The following CSDC2 variants were observed in gnomAD, a reference collection of about 807,000 sequenced individuals.
The protein encoded by CSDC2 is cold shock domain-containing protein C2.
A neutral mutation model predicts 15.8 loss-of-function variants in CSDC2; 8 were observed. The ratio of observed to expected loss-of-function variants is 0.51; its 90% CI spans 0.30 to 0.92. CSDC2 has a LOEUF of 0.92. Ranked by LOEUF, CSDC2 falls within the 40% of genes least tolerant of loss-of-function variation. The pLI is 0.07. For missense variants in CSDC2, 195 were observed against 213.3 expected, an observed-to-expected ratio of 0.91 and a Z score of 0.53; for synonymous variants, 96 against 92.3, an observed-to-expected ratio of 1.04 and a Z score of -0.23.
At chr22:41,574,612 G>A in intron 3 of CSDC2, 121 bp from the exon 4 acceptor site, 2 of 1,173,984 alleles carry the variant, frequency 1.7e-6, no homozygotes, top group East Asian at 5.1e-5. Flanking sequence ...GAGAAGCAAG[G>A]CCTGGCCAGG....
rs2067176233 is a variant in CSDC2, at chr22:41,576,501, A to G, written c.*1606A>G. ...TTTTAAGGCACCACTAGCAGTCAGG[A>G]TATGGTGGCATCAGCCCTGGGGCCT... On this transcript the variant is annotated 3_prime_UTR_variant, in exon 4 of 4. Coordinates refer to ENST00000306149, the MANE Select transcript of CSDC2 (RefSeq NM_014460.4). 6.5e-6 allele frequency: 1 copy of G among 152,732 alleles called. No individual in the cohort carries two copies. Among genetic ancestry groups the G allele is most frequent in the Admixed American group, 6.5e-5 (1 of 15,284 alleles). The allele number at this position is 152,732 out of a possible 1,614,324, so 9.5% of individuals were successfully genotyped here.
chr22:41,565,555 C>G (rs765803956), intron 1 of CSDC2, among the ~76,000 whole-genome samples: 21 of 151,962 alleles, frequency 1.4e-4, no homozygotes, highest in Non-Finnish European at 2.5e-4. Flanking sequence ...GATGGTGCCA[C>G]TGCACTCCGG....
chr22:41,574,976 C>G lies in CSDC2; in HGVS notation c.*81C>G. 6.8e-7 allele frequency: 1 copy of G among 1,467,386 alleles called. No homozygotes were observed. Among genetic ancestry groups the G allele is most frequent in the East Asian group, 2.5e-5 (1 of 40,392 alleles). 90.9% of individuals were successfully genotyped at this position (1,467,386 alleles called of 1,614,324 possible). A position where few individuals can be genotyped will look rare whatever the true frequency, so the allele number is the denominator to read the frequency against. On this transcript the variant is annotated 3_prime_UTR_variant, in exon 4 of 4. Transcript: ENST00000306149. ...GGGCAGCAGCCGGCTCCATGCCCCA[C>G]TGCCCTGGCTGATGAGTCCTTCGGT...
intron 1 of CSDC2, among the ~76,000 whole-genome samples, chr22:41,564,591 T>C (rs2067104184): frequency 6.6e-6 from 1 of 152,180 alleles, no homozygotes; most frequent in Non-Finnish European, 1.5e-5. Flanking sequence ...CTGTTTCTGT[T>C]CCCCCCGCTG....
chr22:41,566,358 C>T (rs1334905237), intron 1 of CSDC2, among the ~76,000 whole-genome samples: 1 of 147,902 alleles, frequency 6.8e-6, no homozygotes, highest in Non-Finnish European at 1.5e-5. Context: ...GCAGAAGAAT[C>T]GCTTGAACCC....
intron 1 of CSDC2, among the ~76,000 whole-genome samples, chr22:41,562,821 G>A (rs1392145022): frequency 6.6e-6 from 1 of 152,194 alleles, no homozygotes; most frequent in Non-Finnish European, 1.5e-5. Context: ...TGACACTCCT[G>A]GGCTGGGGGG....
At chr22:41,573,584 C>A (rs2067158799) in intron 2 of CSDC2, 71 bp from the exon 3 acceptor site, 3 of 1,542,476 alleles carry the variant, frequency 1.9e-6, no homozygotes, top group South Asian at 2.3e-5. Flanking sequence ...CAGAAAGGGC[C>A]CAGAATGGCT....
rs1243613258 is a variant in CSDC2 at position 41,574,788 on chromosome 22, C to T, written c.355C>T (p.Pro119Ser). ...EGDEVTYKMCPIPPKNQKFQA... is the reference protein window; with the variant it reads ...EGDEVTYKMCSIPPKNQKFQA... ...CGACGAGGTGACCTACAAGATGTGCCCTATCCCTCCCAAGAACCAGAAGTT... is the reference window on the plus strand; with the variant it reads ...CGACGAGGTGACCTACAAGATGTGCTCTATCCCTCCCAAGAACCAGAAGTT... The change falls in exon 4 of 4, where the codon CCT becomes TCT. Residue 119 changes from proline to serine, a missense_variant. Coordinates refer to ENST00000306149, the MANE Select transcript of CSDC2 (RefSeq NM_014460.4). The T allele has an allele frequency of 6.2e-7, 1 of 1,613,846 alleles. No homozygotes were observed. Among genetic ancestry groups the T allele is most frequent in the Non-Finnish European group, 8.5e-7 (1 of 1,180,022 alleles).
At chr22:41,565,915 C>CT (rs2067111362) in intron 1 of CSDC2, among the ~76,000 whole-genome samples, 1 of 152,096 alleles carries the variant, frequency 6.6e-6, no homozygotes, top group South Asian at 2.1e-4. Context: ...GCACACTCGC[C>CT]GGGGGGCCTT....
At chr22:41,566,647 AGG>A (rs1173607685) in intron 1 of CSDC2, among the ~76,000 whole-genome samples, 1 of 143,314 alleles carries the variant, frequency 7.0e-6, no homozygotes, top group Admixed American at 7.1e-5. Context: ...AAAAAAAAAA[AGG>A]GGGAGGGTCA....
At position 41,574,767 on chromosome 22, in the gene CSDC2, G is replaced by C. The variant is rs767371689; in HGVS notation, c.334G>C (p.Glu112Gln). ...EGEYVPVEGD[E>Q]VTYKMCPIPP... The stretch of plus-strand genomic sequence containing the variant: ...GGAGTACGTGCCAGTGGAGGGCGAC[G>C]AGGTGACCTACAAGATGTGCCCTAT... The change falls in exon 4 of 4, where the codon GAG becomes CAG. Residue 112 changes from glutamate to glutamine, a missense_variant. By Grantham distance (29) the Glu-to-Gln change is conservative (BLOSUM62 2). Transcript: ENST00000306149. The C allele has an allele frequency of 1.2e-6, 2 of 1,613,812 alleles. No homozygotes were observed. The highest frequency in any genetic ancestry group is 2.7e-5 in the African/African-American group (2 of 75,066).
chr22:41,564,122 A>G (rs774628666), intron 1 of CSDC2, among the ~76,000 whole-genome samples: 1 of 150,764 alleles, frequency 6.6e-6, no homozygotes. Flanking sequence ...GAATGGGTGT[A>G]CTAATGGTAG....
At position 41,572,015 on chromosome 22, in the gene CSDC2, C is replaced by T. The variant is rs1417164916; in HGVS notation, c.50C>T (p.Pro17Leu). The T allele has an allele frequency of 7.3e-7, 1 of 1,364,096 alleles. No individual in the cohort carries two copies. The highest frequency in any genetic ancestry group is 9.5e-7 in the Non-Finnish European group (1 of 1,056,806). 84.5% of individuals were successfully genotyped at this position (1,364,096 alleles called of 1,614,324 possible). The change falls in exon 2 of 4, where the codon CCC becomes CTC. Residue 17 changes from proline (P) to leucine (L), a missense_variant. Coordinates refer to ENST00000306149, the MANE Select transcript of CSDC2 (RefSeq NM_014460.4). Reference sequence around the variant, plus strand: ...CCAGTTGTGCCCCCGCTCCACTCCCCCAAGTCCCCAGTCTGGCCCACCTTC... The same window carrying T: ...CCAGTTGTGCCCCCGCTCCACTCCCTCAAGTCCCCAGTCTGGCCCACCTTC... ...SPPVVPPLHS[P>L]KSPVWPTFPF... is the part of the protein sequence containing the mutation.
chr22:41,571,136 T>C, intron 1 of CSDC2, among the ~76,000 whole-genome samples: 1 of 152,106 alleles, frequency 6.6e-6, no homozygotes, highest in Admixed American at 6.6e-5. Flanking sequence ...GCAGATCACC[T>C]GAGGTCAGGA....
intron 1 of CSDC2, among the ~76,000 whole-genome samples, chr22:41,561,413 G>GTGTC (rs912242915): frequency 5.9e-5 from 9 of 152,206 alleles, no homozygotes; most frequent in African/African-American, 2.2e-4. Flanking sequence ...GTCTGTGTCT[G>GTGTC]TGTCTGTGTC....
Position 41,566,937 on chromosome 22 carries a change from A to AG in CSDC2, c.-123-4906_-123-4905insG, listed in dbSNP as rs1241723107. Among the ~76,000 whole-genome samples, 17 of 152,062 alleles carry AG rather than the reference A, an allele frequency of 1.1e-4. No individual in the cohort carries two copies. The East Asian group carries it at 3.3e-3, about 29-fold the overall frequency. On this transcript the variant is annotated intron_variant, in intron 1 of 3. Transcript: ENST00000306149. ...GCGATCCTCCGTCTCAAAAAAAAAA[A>AG]AAAAAAGGGAGGGTCACAAAACTGG...
chr22:41,561,587 G>A (rs2067085427), intron 1 of CSDC2, among the ~76,000 whole-genome samples: 1 of 152,240 alleles, frequency 6.6e-6, no homozygotes, highest in Non-Finnish European at 1.5e-5. Context: ...GACCCTTGCT[G>A]GTCCTTCCCC....
intron 3 of CSDC2, among the ~76,000 whole-genome samples, chr22:41,574,334 C>T (rs900255460): frequency 4.6e-5 from 7 of 152,208 alleles, no homozygotes; most frequent in African/African-American, 1.4e-4. Context: ...GGCACAATCT[C>T]GGCTCAGTGC....
intron 1 of CSDC2, among the ~76,000 whole-genome samples, chr22:41,566,741 C>T (rs1184456932): frequency 6.6e-6 from 1 of 151,116 alleles, no homozygotes; most frequent in Admixed American, 6.6e-5. Flanking sequence ...AGATCGAGAC[C>T]ACAGTGAAAC....
Sources: gnomAD v4.1 joint callset for allele counts (sites outside exome capture counted in the v4.1 genomes callset) on GRCh38, gnomAD v4.1.1 for gene constraint, MANE v1.5 for transcripts, NCBI Gene and HGNC (gene_info 2026-07-23, HGNC 2026-07-21) for gene names.